Variants in GATB observed in about 807,000 individuals in gnomAD.
GATB encodes the protein glutamyl-tRNA amidotransferase subunit B, also known as glutamyl-tRNA(Gln) amidotransferase subunit B, mitochondrial.
In GATB, 39 loss-of-function variants were observed where a neutral mutation model predicts 62.3. The ratio of observed to expected loss-of-function variants is 0.63; its 90% CI spans 0.48 to 0.82. The LOEUF (loss-of-function observed/expected upper bound fraction) is 0.82, where lower values mean the gene tolerates loss of function less well. Ranked by LOEUF, GATB falls within the 40% of genes least tolerant of loss-of-function variation. The pLI is 0.00. For missense variants in GATB, 670 were observed against 684.0 expected, an observed-to-expected ratio of 0.98 and a Z score of 0.23; for synonymous variants, 276 against 258.9, an observed-to-expected ratio of 1.07 and a Z score of -0.63.
intron 12 of GATB, 130 bp from the exon 13 acceptor site, chr4:151,671,432 T>C (rs1737857746): frequency 4.5e-6 from 4 of 880,136 alleles, no homozygotes; most frequent in Non-Finnish European, 6.9e-6. Flanking sequence ...ACATAAAATG[T>C]AGAACAGAAA....
intron 10 of GATB, among the ~76,000 whole-genome samples, chr4:151,686,495 G>C (rs545691902): frequency 6.6e-6 from 1 of 152,078 alleles, no homozygotes; most frequent in African/African-American, 2.4e-5. Flanking sequence ...ACCCAGCCTG[G>C]GCTCCCCCTG....
chr4:151,754,876 T>C (rs1311486751), intron 2 of GATB, among the ~76,000 whole-genome samples: 1 of 152,232 alleles, frequency 6.6e-6, no homozygotes, highest in East Asian at 1.9e-4. Context: ...TAGTTTTTGT[T>C]GGCAGATCAC....
chr4:151,686,273 G>A (rs1458028759), intron 10 of GATB, among the ~76,000 whole-genome samples: 1 of 152,062 alleles, frequency 6.6e-6, no homozygotes, highest in Admixed American at 6.5e-5. Flanking sequence ...AGGGTCAGAG[G>A]GGGAACTCAT....
rs945666919 is a variant in GATB at position 151,760,801 on chromosome 4, GA to G, written c.176+5del. On this transcript the variant is annotated splice_donor_5th_base_variant and intron_variant, in intron 1 of 12. Coordinates refer to ENST00000263985, the MANE Select transcript of GATB (RefSeq NM_004564.3). ...TAGGTGGGCAGAAATGTATGAAACA[GA>G]ATACCCTTTCCTCGTCTTCTGGGCC... The G allele has an allele frequency of 1.9e-5, 31 of 1,597,322 alleles. No homozygotes were observed. The highest frequency in any genetic ancestry group is 2.6e-5 in the Non-Finnish European group (30 of 1,171,646).
At chr4:151,687,445 T>C (rs1738273042) in intron 10 of GATB, among the ~76,000 whole-genome samples, 1 of 152,236 alleles carries the variant, frequency 6.6e-6, no homozygotes, top group Admixed American at 6.5e-5. Context: ...CCAATTGAGA[T>C]AATTGCTCTC....
rs191859365 is a variant in GATB at position 151,749,234 on chromosome 4, A to G, written c.327+9538T>C. On this transcript the variant is annotated intron_variant, in intron 2 of 12. Coordinates refer to ENST00000263985, the MANE Select transcript of GATB (RefSeq NM_004564.3). ...ACGTATGTTTATTGCGGCACTATTC[A>G]CAATAGCAAAGACTTGGAACCAACC... Among the ~76,000 whole-genome samples the G allele has an allele frequency of 6.3e-3, 963 of 152,308 alleles. 8 individuals are homozygous for G. The highest frequency in any genetic ancestry group is 0.02 in the Middle Eastern group (6 of 294).
chr4:151,716,064 G>A lies in GATB; in HGVS notation c.708C>T (p.Val236=). 1 of 1,613,898 alleles carries A rather than the reference G, an allele frequency of 6.2e-7. No individual in the cohort carries two copies. Among genetic ancestry groups the A allele is most frequent in the Non-Finnish European group, 8.5e-7 (1 of 1,179,928 alleles). Residue 236 remains valine, a synonymous_variant, in exon 5 of 13, where the codon GTC becomes GTT. Coordinates refer to ENST00000263985, the MANE Select transcript of GATB (RefSeq NM_004564.3). ...CTTGAAGGATCAGCTGCAGCTCCCTGACAGCTGTTGCCGCCTCTTCTCCAC... is the reference window on the plus strand; with the variant it reads ...CTTGAAGGATCAGCTGCAGCTCCCTAACAGCTGTTGCCGCCTCTTCTCCAC... ...MSCGEEAATA[V]RELQLILQAL...
intron 9 of GATB, among the ~76,000 whole-genome samples, chr4:151,697,978 T>TATATATAC (rs1738520384): frequency 7.5e-6 from 1 of 133,300 alleles, no homozygotes; most frequent in African/African-American, 3.2e-5. Context: ...TATATATATA[T>TATATATAC]ATATATATAT....
chr4:151,705,129 C>T (rs990372467), intron 7 of GATB, 56 bp downstream of exon 7: 11 of 1,244,586 alleles, frequency 8.8e-6, no homozygotes, highest in African/African-American at 5.9e-5. Context: ...TGGCTGAGCC[C>T]AGCCCTCTCG....
chr4:151,737,597 GA>G (rs1011428050), intron 2 of GATB, among the ~76,000 whole-genome samples: 3 of 152,176 alleles, frequency 2.0e-5, no homozygotes, highest in African/African-American at 7.2e-5. Context: ...AAGACAGGGG[GA>G]AAATGTCTCC....
intron 2 of GATB, among the ~76,000 whole-genome samples, chr4:151,747,778 T>C (rs979871885): frequency 6.6e-6 from 1 of 152,148 alleles, no homozygotes; most frequent in Non-Finnish European, 1.5e-5. Context: ...AAGTTGGAAT[T>C]CTATACTACT....
intron 7 of GATB, 56 bp from the exon 8 acceptor site, chr4:151,703,951 T>A: frequency 7.8e-7 from 1 of 1,279,540 alleles, no homozygotes; most frequent in Non-Finnish European, 1.1e-6. Context: ...GGCCAGCCTA[T>A]ATGTGGGGAA....
intron 2 of GATB, among the ~76,000 whole-genome samples, chr4:151,754,434 C>G (rs1739782866): frequency 6.6e-6 from 1 of 152,150 alleles, no homozygotes; most frequent in Non-Finnish European, 1.5e-5. Context: ...AAAGGTAGTG[C>G]AACTGCCTGC....
intron 9 of GATB, among the ~76,000 whole-genome samples, chr4:151,693,380 G>A (rs924095962): frequency 1.3e-5 from 2 of 152,154 alleles, no homozygotes; most frequent in African/African-American, 4.8e-5. Flanking sequence ...ACAAGAAGCC[G>A]CTGCAATAAT....
chr4:151,707,419 G>C (rs762776311), intron 6 of GATB, among the ~76,000 whole-genome samples: 1 of 152,114 alleles, frequency 6.6e-6, no homozygotes, highest in Non-Finnish European at 1.5e-5. Flanking sequence ...TCAGCCTCTT[G>C]AGTAGCTGGG....
At chr4:151,676,095 T>C (rs1737995719) in intron 11 of GATB, 1 of 152,178 alleles carries the variant, frequency 6.6e-6, no homozygotes, top group Admixed American at 6.5e-5. Context: ...AAGGCAAGTA[T>C]TGTGAAAGGT....
chr4:151,741,041 G>A (rs1038965309), intron 2 of GATB, among the ~76,000 whole-genome samples: 4 of 152,066 alleles, frequency 2.6e-5, no homozygotes, highest in African/African-American at 9.7e-5. Flanking sequence ...TCCAGTACAG[G>A]AGTGCCCCCT....
At chr4:151,689,391 A>G (rs12503677) in intron 9 of GATB, among the ~76,000 whole-genome samples, 62,654 of 151,980 alleles carry the variant, frequency 0.41, 13,467 homozygotes, top group South Asian at 0.57. Flanking sequence ...ACAGGTGGAG[A>G]GGGCAGCAGT....
At chr4:151,695,933 T>A (rs1242783220) in intron 9 of GATB, among the ~76,000 whole-genome samples, 1 of 136,290 alleles carries the variant, frequency 7.3e-6, no homozygotes, top group Non-Finnish European at 1.5e-5. Context: ...AATTTAAATT[T>A]TTTTTTTTTT....
Sources: gnomAD v4.1 joint callset for allele counts (sites outside exome capture counted in the v4.1 genomes callset) on GRCh38, gnomAD v4.1.1 for gene constraint, MANE v1.5 for transcripts, NCBI Gene and HGNC (gene_info 2026-07-23, HGNC 2026-07-21) for gene names.